The following MLLT10 variants were observed in gnomAD, a reference collection of about 807,000 sequenced individuals.
MLLT10 encodes MLLT10 histone lysine methyltransferase DOT1L cofactor.
Under a neutral mutation model 129.1 loss-of-function variants are expected in MLLT10, and 30 were observed. The ratio of observed to expected loss-of-function variants is 0.23; its 90% CI spans 0.17 to 0.32. MLLT10 has a LOEUF of 0.32. Ranked by LOEUF, MLLT10 falls within the 10% of genes least tolerant of loss-of-function variation. MLLT10 has a pLI of 1.00. For missense variants in MLLT10, 1,119 were observed against 1,268.3 expected (o/e 0.88, Z 1.79); for synonymous variants, 490 against 446.4 (o/e 1.10, Z -1.23).
intron 9 of MLLT10, chr10:21,668,983 T>C: frequency 7.3e-7 from 1 of 1,366,162 alleles, no homozygotes; most frequent in Non-Finnish European, 9.7e-7. Context: ...TTGGAAAAAG[T>C]ATTTGAAAAA....
chr10:21,565,138 A>G (rs2039388556), intron 3 of MLLT10, among the ~76,000 whole-genome samples: 1 of 152,048 alleles, frequency 6.6e-6, no homozygotes, highest in Non-Finnish European at 1.5e-5. Flanking sequence ...CTTAGTCTCT[A>G]GTACTTTTTC....
At chr10:21,629,100 C>CT (rs952728826) in intron 8 of MLLT10, among the ~76,000 whole-genome samples, 92 of 143,234 alleles carry the variant, frequency 6.4e-4, no homozygotes, top group Middle Eastern at 3.5e-3. Flanking sequence ...TGGTGGCTGC[C>CT]TTTTTTTTTT....
At chr10:21,724,852 TG>T (rs778418747) in intron 14 of MLLT10, among the ~76,000 whole-genome samples, 6 of 152,206 alleles carry the variant, frequency 3.9e-5, no homozygotes, top group Non-Finnish European at 7.3e-5. Flanking sequence ...CATTTTCGCT[TG>T]TTTGGCACAG....
chr10:21,551,326 A>G (rs2036995061), intron 3 of MLLT10, among the ~76,000 whole-genome samples: 1 of 144,668 alleles, frequency 6.9e-6, no homozygotes, highest in Non-Finnish European at 1.5e-5. Flanking sequence ...TACATAACAC[A>G]AATAACTTTT....
chr10:21,718,833 C>G (rs1166117274), intron 14 of MLLT10, among the ~76,000 whole-genome samples: 2 of 152,204 alleles, frequency 1.3e-5, no homozygotes, highest in Non-Finnish European at 2.9e-5. Context: ...AAGTGATTCT[C>G]CTGCCTCAGC....
At chr10:21,653,033 AG>A (rs2049205419) in intron 9 of MLLT10, among the ~76,000 whole-genome samples, 2 of 152,198 alleles carry the variant, frequency 1.3e-5, no homozygotes, top group Admixed American at 1.3e-4. Flanking sequence ...TGGGCATAGC[AG>A]GTTGAGGGGA....
intron 8 of MLLT10, among the ~76,000 whole-genome samples, chr10:21,649,390 T>C (rs1337200274): frequency 6.6e-6 from 1 of 152,254 alleles, no homozygotes; most frequent in Non-Finnish European, 1.5e-5. Flanking sequence ...ATTGTTATTT[T>C]GTTTGTGCTT....
chr10:21,601,487 C>T (rs1304993290), intron 5 of MLLT10, among the ~76,000 whole-genome samples: 5 of 152,190 alleles, frequency 3.3e-5, no homozygotes, highest in Non-Finnish European at 7.4e-5. Flanking sequence ...TCTGTAATCT[C>T]ACTCACCAAC....
chr10:21,630,924 G>A (rs904117709), intron 8 of MLLT10, among the ~76,000 whole-genome samples: 2 of 152,106 alleles, frequency 1.3e-5, no homozygotes, highest in African/African-American at 4.8e-5. Flanking sequence ...GCCTTAACTC[G>A]CTAGCACACC....
At position 21,735,909 on chromosome 10, in the gene MLLT10, G is replaced by A. The variant is rs373315324; in HGVS notation, c.2955+674G>A. Among the ~76,000 whole-genome samples, 5 of 152,282 alleles carry A rather than the reference G, an allele frequency of 3.3e-5. No homozygotes were observed. In the South Asian group the frequency reaches 1.0e-3, roughly 32 times the overall value. On this transcript the variant is annotated intron_variant, in intron 21 of 22. Transcript: ENST00000307729. ...ATTTTATCTTAAGTATGAATGGAAA[G>A]CCACTGGCGAGTTTTTAAAAATCTA...
chr10:21,550,578 C>G (rs577760733), intron 3 of MLLT10, among the ~76,000 whole-genome samples: 2 of 152,324 alleles, frequency 1.3e-5, no homozygotes, highest in East Asian at 3.9e-4. Flanking sequence ...GTTACCCAGG[C>G]TAGAGTGCAG....
At chr10:21,647,690 T>C (rs924606259) in intron 8 of MLLT10, among the ~76,000 whole-genome samples, 5 of 146,052 alleles carry the variant, frequency 3.4e-5, no homozygotes, top group African/African-American at 1.2e-4. Flanking sequence ...TACTGGCTCT[T>C]TTTTTTTGCG....
At chr10:21,580,493 A>G (rs915054500) in intron 3 of MLLT10, among the ~76,000 whole-genome samples, 1 of 149,942 alleles carries the variant, frequency 6.7e-6, no homozygotes, top group Non-Finnish European at 1.5e-5. Context: ...GATTCACGCC[A>G]TTCTCCTGCC....
chr10:21,550,451 C>T (rs1172738673), intron 3 of MLLT10, among the ~76,000 whole-genome samples: 1 of 152,172 alleles, frequency 6.6e-6, no homozygotes, highest in African/African-American at 2.4e-5. Context: ...ATGTTGCTGT[C>T]ATAGTCAGTC....
In MLLT10 at chr10:21,699,680, G is replaced by T. The variant is rs147995695; in HGVS notation, c.1700-14092G>T. On this transcript the variant is annotated intron_variant, in intron 13 of 22. Transcript: ENST00000307729. ...TGGTGCCTTTGTCAAAAATCAGTTG[G>T]CTGTAAAAAAAAAAAAAAGTGGGTT... Among the ~76,000 whole-genome samples the T allele has an allele frequency of 8.6e-3, 1,290 of 150,168 alleles. 16 individuals are homozygous for T. Among genetic ancestry groups the T allele is most frequent in the African/African-American group, 0.03 (1,204 of 40,770 alleles).
At chr10:21,651,807 T>C in intron 9 of MLLT10, 39 bp downstream of exon 9, 1 of 1,420,076 alleles carries the variant, frequency 7.0e-7, no homozygotes, top group Non-Finnish European at 9.8e-7. Flanking sequence ...ATGTAATAAG[T>C]AGTTATTGTG....
intron 14 of MLLT10, among the ~76,000 whole-genome samples, chr10:21,718,547 CT>C (rs1024814338): frequency 1.4e-4 from 22 of 152,254 alleles, no homozygotes; most frequent in Admixed American, 1.2e-3. Context: ...TTACATCCTA[CT>C]TTCTGAGTTT....
chr10:21,643,487 C>A (rs2048208719), intron 8 of MLLT10, among the ~76,000 whole-genome samples: 1 of 152,142 alleles, frequency 6.6e-6, no homozygotes. Context: ...CCAGTAAGTT[C>A]ATTGTTCCTC....
chr10:21,601,581 A>G (rs1018224231), intron 5 of MLLT10, among the ~76,000 whole-genome samples: 1 of 152,192 alleles, frequency 6.6e-6, no homozygotes, highest in Non-Finnish European at 1.5e-5. Flanking sequence ...GGTGGAGTGC[A>G]GTGGACAGTT....
Sources: gnomAD v4.1 joint callset for allele counts (sites outside exome capture counted in the v4.1 genomes callset) on GRCh38, gnomAD v4.1.1 for gene constraint, MANE v1.5 for transcripts, NCBI Gene and HGNC (gene_info 2026-07-23, HGNC 2026-07-21) for gene names.